The following PLPPR5 variants were observed in gnomAD, a reference collection of about 807,000 sequenced individuals.
PLPPR5 encodes phospholipid phosphatase-related protein type 5.
A neutral mutation model predicts 33.9 loss-of-function variants in PLPPR5; 16 were observed. The ratio of observed to expected loss-of-function variants is 0.47; its 90% CI spans 0.32 to 0.72. PLPPR5 has a LOEUF of 0.72. Ranked by LOEUF, PLPPR5 falls within the 30% of genes least tolerant of loss-of-function variation. PLPPR5 has a pLI of 0.03. For missense variants in PLPPR5, 301 were observed against 406.7 expected (o/e 0.74, Z 2.23); for synonymous variants, 163 against 150.3 (o/e 1.08, Z -0.62).
intron 5 of PLPPR5, among the ~76,000 whole-genome samples, chr1:98,895,401 T>G (rs1262775883): frequency 6.6e-6 from 1 of 151,964 alleles, no homozygotes; most frequent in Non-Finnish European, 1.5e-5. Context: ...TTACCCAGAT[T>G]GTGGTATTCT....
chr1:98,938,834 A>T (rs1352179583), intron 3 of PLPPR5, among the ~76,000 whole-genome samples: 2 of 152,194 alleles, frequency 1.3e-5, no homozygotes, highest in Non-Finnish European at 2.9e-5. Context: ...AGGAACATGG[A>T]TGGAGCTGGT....
At chr1:98,907,131 G>A (rs1306277829) in intron 5 of PLPPR5, among the ~76,000 whole-genome samples, 1 of 147,864 alleles carries the variant, frequency 6.8e-6, no homozygotes, top group Admixed American at 6.7e-5. Flanking sequence ...CATTTCATAT[G>A]TTTTCTTTAA....
At chr1:98,977,823 TA>T (rs1290656373) in intron 1 of PLPPR5, among the ~76,000 whole-genome samples, 1 of 151,834 alleles carries the variant, frequency 6.6e-6, no homozygotes, top group Non-Finnish European at 1.5e-5. Context: ...TCATCTATAG[TA>T]AATACATATA....
In PLPPR5 at chr1:98,936,983, C is replaced by T. The variant is rs562625696; in HGVS notation, c.622-14925G>A. On this transcript the variant is annotated intron_variant, in intron 3 of 5. Coordinates refer to ENST00000263177, the MANE Select transcript of PLPPR5 (RefSeq NM_001037317.2). ...TGGCATTGTGACAGCTATAGAGAAA[C>T]AGTCTGTAGCCTCAGAGATGTTATA... Among the ~76,000 whole-genome samples, 22 of 152,168 alleles carry T rather than the reference C, an allele frequency of 1.4e-4. 1 individual carries two copies. Among genetic ancestry groups the T allele is most frequent in the Admixed American group, 3.3e-4 (5 of 15,270 alleles).
chr1:98,927,312 T>C (rs1178456758), intron 3 of PLPPR5, among the ~76,000 whole-genome samples: 1 of 152,208 alleles, frequency 6.6e-6, no homozygotes, highest in Non-Finnish European at 1.5e-5. Flanking sequence ...TGGGGTCTAG[T>C]TGGAGGCCTG....
intron 5 of PLPPR5, among the ~76,000 whole-genome samples, chr1:98,906,773 T>A (rs1648916692): frequency 2.6e-5 from 4 of 152,212 alleles, no homozygotes; most frequent in Admixed American, 2.6e-4. Flanking sequence ...AATAGTTGTT[T>A]TGTATCTGTT....
rs2100773604 is a variant in PLPPR5, at chr1:99,004,648, G to A, written c.24C>T (p.Leu8=). The A allele has an allele frequency of 6.2e-7, 1 of 1,611,918 alleles. No homozygotes were observed. Among genetic ancestry groups the A allele is most frequent in the Non-Finnish European group, 8.5e-7 (1 of 1,179,370 alleles). ...TCTGGAAATAGAGCATGCTGCTGGT[G>A]AGCGCCGCGGGCAGCAGGGGCATGC... MPLLPAA[L]TSSMLYFQMV... The change falls in exon 1 of 6, where the codon CTC becomes CTT. Residue 8 remains leucine (L), a synonymous_variant. Coordinates refer to ENST00000263177, the MANE Select transcript of PLPPR5 (RefSeq NM_001037317.2).
chr1:98,933,223 T>C (rs1650049441), intron 3 of PLPPR5, among the ~76,000 whole-genome samples: 2 of 151,360 alleles, frequency 1.3e-5, no homozygotes, highest in African/African-American at 2.4e-5. Context: ...CAGTGGCTCA[T>C]GCCTGTAATC....
At chr1:98,915,705 A>G (rs1469905782) in intron 4 of PLPPR5, among the ~76,000 whole-genome samples, 1 of 152,200 alleles carries the variant, frequency 6.6e-6, no homozygotes, top group Admixed American at 6.5e-5. Flanking sequence ...TAATGTGCAT[A>G]AAAATACATT....
intron 5 of PLPPR5, among the ~76,000 whole-genome samples, chr1:98,904,261 CTTTTTT>C (rs1050471002): frequency 1.3e-4 from 15 of 117,354 alleles, no homozygotes; most frequent in African/African-American, 2.8e-4. Context: ...ATTACTTTCC[CTTTTTT>C]TTTTTTTTTT....
chr1:98,952,204 A>G (rs1650809607), intron 3 of PLPPR5, among the ~76,000 whole-genome samples: 1 of 147,920 alleles, frequency 6.8e-6, no homozygotes, highest in East Asian at 2.0e-4. Flanking sequence ...CGGAGCTTGC[A>G]GTGAGCTGAG....
At chr1:98,998,389 T>A (rs1244287164) in intron 1 of PLPPR5, among the ~76,000 whole-genome samples, 2 of 152,180 alleles carry the variant, frequency 1.3e-5, no homozygotes, top group Non-Finnish European at 2.9e-5. Context: ...ATGAGACACA[T>A]GCCTTTAAAT....
Position 98,920,508 on chromosome 1 carries a change from C to T in PLPPR5, c.798+1374G>A, listed in dbSNP as rs140416519. Among the ~76,000 whole-genome samples, 374 of 135,684 alleles carry T rather than the reference C, an allele frequency of 2.8e-3. 1 individual carries two copies. Among genetic ancestry groups the T allele is most frequent in the African/African-American group, 9.9e-3 (362 of 36,596 alleles). The allele number at this position is 135,684 out of a possible 152,430, so 89.0% of individuals were successfully genotyped here. A position where few individuals can be genotyped will look rare whatever the true frequency, so the allele number is the denominator to read the frequency against. ...GTTCAAGCCAGGGCCCCAGTTCTCA[C>T]GAGGCTACAGGATATCTCCAGGAAA... On this transcript the variant is annotated intron_variant, in intron 4 of 5. Coordinates refer to ENST00000263177, the MANE Select transcript of PLPPR5 (RefSeq NM_001037317.2).
chr1:98,966,033 T>C (rs1006135235), intron 1 of PLPPR5, among the ~76,000 whole-genome samples: 29 of 152,336 alleles, frequency 1.9e-4, no homozygotes, highest in African/African-American at 6.5e-4. Context: ...TGTGGGGTTT[T>C]ATTTGTTACA....
chr1:98,984,271 C>A (rs951790771), intron 1 of PLPPR5, among the ~76,000 whole-genome samples: 3 of 151,976 alleles, frequency 2.0e-5, no homozygotes, highest in African/African-American at 7.2e-5. Flanking sequence ...ATTACATGAC[C>A]CAACCCTGCA....
At chr1:98,928,802 T>A in intron 3 of PLPPR5, among the ~76,000 whole-genome samples, 1 of 151,770 alleles carries the variant, frequency 6.6e-6, no homozygotes, top group East Asian at 1.9e-4. Context: ...CATATTTTTA[T>A]CTACATTTAT....
chr1:98,898,281 A>T (rs879810453), intron 5 of PLPPR5, among the ~76,000 whole-genome samples: 1 of 152,302 alleles, frequency 6.6e-6, no homozygotes, highest in South Asian at 2.1e-4. Context: ...CTGTAAAAAC[A>T]TCTGACACTA....
At chr1:98,980,216 G>A (rs1016523413) in intron 1 of PLPPR5, among the ~76,000 whole-genome samples, 1 of 151,990 alleles carries the variant, frequency 6.6e-6, no homozygotes, top group African/African-American at 2.4e-5. Context: ...TACTGCCAAA[G>A]CTTTTACTAC....
Position 99,004,503 on chromosome 1 carries a change from G to C in PLPPR5, c.169C>G (p.Pro57Ala), listed in dbSNP as rs749735038. 6.2e-7 allele frequency: 1 copy of C among 1,613,214 alleles called. No individual in the cohort carries two copies. The highest frequency in any genetic ancestry group is 8.5e-7 in the Non-Finnish European group (1 of 1,179,842). Residue 57 changes from proline to alanine, a missense_variant, in exon 1 of 6, where the codon CCG (proline) becomes GCG (alanine). Physicochemically the swap from Pro to Ala is conservative, Grantham distance 27. Transcript: ENST00000263177. ...DSAYRKPYPG[P>A]EDSSAVPPVL... ...GGGGGCACGGCGCTGCTGTCCTCCG[G>C]GCCCGGGTAGGGTTTGCGGTAGGCG...
Sources: gnomAD v4.1 joint callset for allele counts (sites outside exome capture counted in the v4.1 genomes callset) on GRCh38, gnomAD v4.1.1 for gene constraint, MANE v1.5 for transcripts, NCBI Gene and HGNC (gene_info 2026-07-23, HGNC 2026-07-21) for gene names.